The following MYH9 variants were observed in gnomAD, a reference collection of about 807,000 sequenced individuals.
MYH9 encodes myosin heavy chain 9.
In MYH9, 29 loss-of-function variants were observed where a neutral mutation model predicts 241.9. The observed-to-expected ratio is 0.12, with a 90% CI of 0.09 to 0.16. MYH9 has a LOEUF of 0.16. Ranked by LOEUF, MYH9 falls within the 10% of genes least tolerant of loss-of-function variation. The pLI is 1.00. For synonymous variants in MYH9, 1,047 were observed against 1,062.6 expected (o/e 0.99, Z 0.29); for missense variants, 1,803 against 2,595.5 (o/e 0.69, Z 6.63).
At chr22:36,375,738 G>A (rs2018156296) in intron 1 of MYH9, among the ~76,000 whole-genome samples, 1 of 152,162 alleles carries the variant, frequency 6.6e-6, no homozygotes, top group Admixed American at 6.6e-5. Flanking sequence ...GCATGGCCAG[G>A]TGTAGGTGCA....
At chr22:36,386,169 T>G (rs1446885439) in intron 1 of MYH9, among the ~76,000 whole-genome samples, 2 of 152,130 alleles carry the variant, frequency 1.3e-5, no homozygotes, top group Non-Finnish European at 2.9e-5. Flanking sequence ...CCGGGGTCCC[T>G]GTCATCTCTA....
chr22:36,283,618 C>T (rs772799241), intron 40 of MYH9, among the ~76,000 whole-genome samples: 2 of 146,282 alleles, frequency 1.4e-5, no homozygotes, highest in Non-Finnish European at 3.0e-5. Context: ...TCTCAAAAAA[C>T]ACAAAATGAG....
chr22:36,367,797 T>G (rs1015226196), intron 1 of MYH9, among the ~76,000 whole-genome samples: 1 of 152,152 alleles, frequency 6.6e-6, no homozygotes, highest in African/African-American at 2.4e-5. Flanking sequence ...CGGCCCCTGC[T>G]CTAGAGAGCT....
At chr22:36,339,302 T>C in intron 3 of MYH9, among the ~76,000 whole-genome samples, 2 of 152,164 alleles carry the variant, frequency 1.3e-5, no homozygotes, top group South Asian at 4.1e-4. Flanking sequence ...GTAGCTCAGA[T>C]CTCAAGATGA....
chr22:36,316,637 C>T lies in MYH9; in HGVS notation c.1260G>A (p.Ala420=), dbSNP rs369202401. The part of the protein sequence containing the change: ...ADFAIEALAK[A]TYERMFRWLV... ...GCCAGCGGAACATCCGCTCATAGGTCGCCTTGGCCAAGGCCTCGATGGCAA... is the reference window on the plus strand; with the variant it reads ...GCCAGCGGAACATCCGCTCATAGGTTGCCTTGGCCAAGGCCTCGATGGCAA... Residue 420 remains alanine (A), a synonymous_variant, in exon 12 of 41, where the codon GCG becomes GCA. Coordinates refer to ENST00000216181, the MANE Select transcript of MYH9 (RefSeq NM_002473.6). 1.6e-5 allele frequency: 26 copies of T among 1,613,906 alleles called. 1 individual carries two copies. The highest frequency in any genetic ancestry group is 5.5e-5 in the South Asian group (5 of 91,078).
Position 36,375,955 on chromosome 22 carries a change from CTTTTTT to C in MYH9, c.-20+11846_-20+11851del, listed in dbSNP as rs751350180. Among the ~76,000 whole-genome samples the C allele has an allele frequency of 7.5e-3, 665 of 89,106 alleles. 2 individuals carry two copies. The highest frequency in any genetic ancestry group is 0.019 in the Admixed American group (127 of 6,642). 58.5% of individuals were successfully genotyped at this position (89,106 alleles called of 152,430 possible). A position where few individuals can be genotyped will look rare whatever the true frequency, so the allele number is the denominator to read the frequency against. On this transcript the variant is annotated intron_variant, in intron 1 of 40. Coordinates refer to ENST00000216181, the MANE Select transcript of MYH9 (RefSeq NM_002473.6). ...AGTACATACAAGTGCTCAATAATTTCTTTTTTTTTTTTTTTTTTTTTTTGAGATGGA... is the reference window on the plus strand; with the variant it reads ...AGTACATACAAGTGCTCAATAATTTCTTTTTTTTTTTTTTTTTGAGATGGA...
At chr22:36,349,311 A>T in intron 1 of MYH9, 56 bp from the exon 2 acceptor site, 1 of 1,317,832 alleles carries the variant, frequency 7.6e-7, no homozygotes, top group South Asian at 1.2e-5. Flanking sequence ...GCCACACAAG[A>T]TCACTCATGC....
intron 35 of MYH9, 137 bp downstream of exon 35, chr22:36,286,576 AATCCT>A: frequency 2.5e-6 from 3 of 1,182,072 alleles, no homozygotes; most frequent in Admixed American, 1.9e-5. Flanking sequence ...CCCTGGAGGG[AATCCT>A]TATGTAACCT....
At position 36,326,793 on chromosome 22, in the gene MYH9, C is replaced by T. The variant is rs562687968; in HGVS notation, c.519-132G>A. 7.0e-5 allele frequency: 53 copies of T among 758,228 alleles called. No homozygotes were observed. In the East Asian group the frequency reaches 7.2e-4, roughly 10 times the overall value. 47.0% of individuals were successfully genotyped at this position (758,228 alleles called of 1,614,324 possible). The stretch of plus-strand genomic sequence containing the variant: ...GAAGGACCCAACGTGTGGCAGAAAA[C>T]GGGACTGCCACATAAACGCTCTGGA... On this transcript the variant is annotated intron_variant, in intron 4 of 40. Transcript: ENST00000216181.
Position 36,288,746 on chromosome 22 carries a change from T to G in MYH9, c.4751A>C (p.Lys1584Thr). 1.2e-6 allele frequency: 2 copies of G among 1,605,268 alleles called. No homozygotes were observed. The highest frequency in any genetic ancestry group is 1.7e-6 in the Non-Finnish European group (2 of 1,179,962). Residue 1584 changes from lysine (K) to threonine (T), a missense_variant, in exon 33 of 41, where the codon AAG becomes ACG. Physicochemically the swap from Lys to Thr is moderately conservative, Grantham distance 78 (BLOSUM62 -1). Around this residue, in one of 11 missense-constraint regions of MYH9, gnomAD observed 876 missense variants for 1,077.8 expected, o/e 0.81. Transcript: ENST00000216181. This position sits in a 1 kb window ranked among gnomAD's most constrained non-coding sequence, Gnocchi z 4.8. ...GCACACCTGTCTGACCAGCTGCTTC[T>G]TCTTCTCCTCGCTCTGCTCGTCCCG... ...QGRDEQSEEK[K>T]KQLVRQVREM...
intron 35 of MYH9, 95 bp from the exon 36 acceptor site, chr22:36,286,048 C>A: frequency 7.4e-7 from 1 of 1,350,204 alleles, no homozygotes; most frequent in South Asian, 1.2e-5. Flanking sequence ...AGCCCTTCCC[C>A]AGGCCCACCT....
chr22:36,316,771 G>A (rs573483912), intron 11 of MYH9, 102 bp from the exon 12 acceptor site: 2 of 1,365,356 alleles, frequency 1.5e-6, no homozygotes, highest in African/African-American at 1.4e-5. Flanking sequence ...TCCCCCTAGA[G>A]GAACAGCCCT....
At chr22:36,307,973 G>A (rs773435121) in intron 15 of MYH9, among the ~76,000 whole-genome samples, 5 of 151,990 alleles carry the variant, frequency 3.3e-5, no homozygotes, top group Non-Finnish European at 5.9e-5. Context: ...TTTCCTGGGC[G>A]TGGTAACTTG....
intron 9 of MYH9, 104 bp from the exon 10 acceptor site, chr22:36,319,739 A>G: frequency 8.6e-7 from 1 of 1,157,720 alleles, no homozygotes; most frequent in South Asian, 1.3e-5. Context: ...CAAGCCAAGC[A>G]GGGACACCCC....
Position 36,294,407 on chromosome 22 carries a change from C to T in MYH9, c.3631-109G>A, listed in dbSNP as rs1055173215. On this transcript the variant is annotated intron_variant, in intron 27 of 40. Coordinates refer to ENST00000216181, the MANE Select transcript of MYH9 (RefSeq NM_002473.6). Reference sequence around the variant, plus strand: ...GACATCGCTGCTTCTGCAGCCCTGACGACGGTGTGCCTGCGTCCTGGACTC... The same window carrying T: ...GACATCGCTGCTTCTGCAGCCCTGATGACGGTGTGCCTGCGTCCTGGACTC... 26 of 1,208,894 alleles carry T rather than the reference C, an allele frequency of 2.2e-5. No homozygotes were observed. The African/African-American group carries it at 3.6e-4, about 17-fold the overall frequency. 74.9% of individuals were successfully genotyped at this position (1,208,894 alleles called of 1,614,324 possible).
intron 2 of MYH9, among the ~76,000 whole-genome samples, chr22:36,345,290 C>T (rs1430076186): frequency 3.0e-5 from 4 of 133,808 alleles, no homozygotes; most frequent in South Asian, 2.4e-4. Context: ...CCAGCCTGGG[C>T]GACAGGGCAA....
At chr22:36,322,568 C>T (rs761402044) in intron 5 of MYH9, 47 bp from the exon 6 acceptor site, 1 of 1,572,502 alleles carries the variant, frequency 6.4e-7, no homozygotes, top group Admixed American at 1.7e-5. Context: ...GCGACCTGGG[C>T]TGCCGAGCCT....
intron 23 of MYH9, 133 bp from the exon 24 acceptor site, chr22:36,299,175 A>G: frequency 3.9e-6 from 5 of 1,270,740 alleles, no homozygotes; most frequent in Non-Finnish European, 5.6e-6. Context: ...GTTCATTAGG[A>G]TTTTCCTAGA....
In MYH9 at chr22:36,296,904, T is replaced by A; in HGVS notation, c.3211A>T (p.Ile1071Phe). ...GCCAGCTGCATCTTGAGCTCCGCGATCTGGGCCTGGAGCTCGGCGATCTGG... is the reference window on the plus strand; with the variant it reads ...GCCAGCTGCATCTTGAGCTCCGCGAACTGGGCCTGGAGCTCGGCGATCTGG... ...SDQIAELQAQ[I>F]AELKMQLAKK... The change falls in exon 25 of 41, where the codon ATC becomes TTC. Residue 1071 changes from isoleucine to phenylalanine, a missense_variant. This residue lies in a region of MYH9 where 290 missense variants were observed against 360.5 expected (regional missense o/e 0.80). Coordinates refer to ENST00000216181, the MANE Select transcript of MYH9 (RefSeq NM_002473.6). 6.2e-7 allele frequency: 1 copy of A among 1,613,818 alleles called. No individual in the cohort carries two copies. The highest frequency in any genetic ancestry group is 8.5e-7 in the Non-Finnish European group (1 of 1,179,830).
Sources: gnomAD v4.1 joint callset for allele counts (sites outside exome capture counted in the v4.1 genomes callset) on GRCh38, gnomAD v4.1.1 for gene constraint, gnomAD v4.1.1 regional missense constraint, Gnocchi (gnomAD v3.1) non-coding constraint, MANE v1.5 for transcripts, NCBI Gene and HGNC (gene_info 2026-07-23, HGNC 2026-07-21) for gene names.